TIMMDC1: variants seen among roughly 807,000 people sequenced by gnomAD.
The protein encoded by TIMMDC1 is translocase of inner mitochondrial membrane domain containing 1, also known as complex I assembly factor TIMMDC1, mitochondrial.
Under a neutral mutation model 32.6 loss-of-function variants are expected in TIMMDC1, and 25 were observed. The ratio of observed to expected loss-of-function variants is 0.77; its 90% CI spans 0.56 to 1.07. TIMMDC1 has a LOEUF of 1.07. Ranked by LOEUF, TIMMDC1 falls within the 50% of genes least tolerant of loss-of-function variation. The pLI is 0.00. For synonymous variants in TIMMDC1, 130 were observed against 127.6 expected (o/e 1.02, Z -0.13); for missense variants, 329 against 349.2 (o/e 0.94, Z 0.46).
At chr3:119,501,427 C>T (rs1374154095) in intron 2 of TIMMDC1, among the ~76,000 whole-genome samples, 1 of 152,170 alleles carries the variant, frequency 6.6e-6, no homozygotes, top group Non-Finnish European at 1.5e-5. Flanking sequence ...TTTTATCATT[C>T]TCCCTCTGTA....
At chr3:119,522,804 TTGTGTGTGTGTG>T (rs71156752) in intron 6 of TIMMDC1, among the ~76,000 whole-genome samples, 3,502 of 148,742 alleles carry the variant, frequency 0.024, 134 homozygotes, top group South Asian at 0.074. Flanking sequence ...GTATGGGTGT[TTGTGTGTGTGTG>T]TGTGTGTGTG....
intron 4 of TIMMDC1, among the ~76,000 whole-genome samples, chr3:119,510,924 C>T (rs1189711331): frequency 6.6e-6 from 1 of 152,194 alleles, no homozygotes; most frequent in Non-Finnish European, 1.5e-5. Context: ...GACATCTGCC[C>T]TGTGCAGTTG....
chr3:119,517,760 G>C (rs999445861), intron 6 of TIMMDC1, among the ~76,000 whole-genome samples: 2 of 152,138 alleles, frequency 1.3e-5, no homozygotes, highest in African/African-American at 4.8e-5. Flanking sequence ...CTGAGGTCAG[G>C]AGTTCGAGAC....
intron 1 of TIMMDC1, among the ~76,000 whole-genome samples, 193 bp downstream of exon 1, chr3:119,499,120 G>A (rs1231818403): frequency 6.9e-6 from 1 of 144,146 alleles, no homozygotes. Context: ...TCCAGACAGG[G>A]TCTTGCTCTG....
intron 1 of TIMMDC1, 179 bp from the exon 2 acceptor site, chr3:119,500,516 C>T: frequency 1.8e-6 from 1 of 543,632 alleles, no homozygotes. Context: ...ACCATAGCTT[C>T]GTTTTGTCTG....
chr3:119,521,005 T>G (rs1466025753), intron 6 of TIMMDC1, among the ~76,000 whole-genome samples: 1 of 152,132 alleles, frequency 6.6e-6, no homozygotes, highest in Non-Finnish European at 1.5e-5. Flanking sequence ...TCTCAGTAAA[T>G]GAGAAAAAGC....
chr3:119,506,936 C>G (rs2081922267), intron 4 of TIMMDC1, among the ~76,000 whole-genome samples: 2 of 152,330 alleles, frequency 1.3e-5, no homozygotes, highest in South Asian at 4.1e-4. Context: ...CTTAACCTTA[C>G]CTTTCAAAGT....
chr3:119,501,654 TA>T (rs199925578), intron 2 of TIMMDC1, among the ~76,000 whole-genome samples: 26 of 152,266 alleles, frequency 1.7e-4, no homozygotes, highest in African/African-American at 6.0e-4. Context: ...TAAAAATAAA[TA>T]AAAAAATGTA....
At chr3:119,515,500 T>C (rs2081980364) in intron 5 of TIMMDC1, among the ~76,000 whole-genome samples, 1 of 152,206 alleles carries the variant, frequency 6.6e-6, no homozygotes, top group East Asian at 1.9e-4. Flanking sequence ...ATTCAACTAA[T>C]TAGTAACCTT....
intron 1 of TIMMDC1, chr3:119,500,406 A>G (rs536312361): frequency 5.4e-4 from 158 of 295,064 alleles, no homozygotes; most frequent in African/African-American, 3.3e-3. Context: ...TGTACCCAGC[A>G]CTAAGAAAGA....
chr3:119,517,305 C>A lies in TIMMDC1; in HGVS notation c.697C>A (p.Leu233Met). Residue 233 changes from leucine (L) to methionine (M), a missense_variant, in exon 6 of 7, where the codon CTG becomes ATG. Coordinates refer to ENST00000494664, the MANE Select transcript of TIMMDC1 (RefSeq NM_016589.4). ...KDRKALHELKLEEWKGRLQVT... is the reference protein window; with the variant it reads ...KDRKALHELKMEEWKGRLQVT... ...TCGAAAGGCACTCCATGAGCTAAAA[C>A]TGGAAGAGTGGTAAGGAACATGTTG... 6.2e-7 allele frequency: 1 copy of A among 1,609,408 alleles called. No homozygotes were observed. The highest frequency in any genetic ancestry group is 8.5e-7 in the Non-Finnish European group (1 of 1,175,772).
intron 5 of TIMMDC1, among the ~76,000 whole-genome samples, chr3:119,515,107 T>C (rs574542309): frequency 1.3e-5 from 2 of 151,658 alleles, no homozygotes; most frequent in Admixed American, 6.6e-5. Context: ...GGAGGATTGC[T>C]TGAACCCCAT....
intron 6 of TIMMDC1, 48 bp from the exon 7 acceptor site, chr3:119,523,558 C>G: frequency 6.7e-7 from 1 of 1,489,936 alleles, no homozygotes; most frequent in Non-Finnish European, 8.9e-7. Context: ...TCTGTAAGAA[C>G]TAAAGAAATG....
rs554140249 is a variant in TIMMDC1 at position 119,503,129 on chromosome 3, A to G, written c.361-403A>G. On this transcript the variant is annotated intron_variant, in intron 2 of 6. Transcript: ENST00000494664. ...CAAATCTGAAATCCTGAATGCTCAGATTCAAAACTTTTTGAGCATTGACAC... is the reference window on the plus strand; with the variant it reads ...CAAATCTGAAATCCTGAATGCTCAGGTTCAAAACTTTTTGAGCATTGACAC... 6.6e-5 allele frequency among the ~76,000 whole-genome samples: 10 copies of G among 152,340 alleles called. 1 individual carries two copies. In the South Asian group the frequency reaches 1.9e-3, roughly 28 times the overall value.
rs541846121 is a variant in TIMMDC1 at position 119,515,641 on chromosome 3, G to A, written c.597-1564G>A. ...AATTCTGCCTACCACACTTGGTTAA[G>A]GTGTTATCTGTTCAGTGTCTCCATT... is the stretch of plus-strand genomic sequence containing the variant. On this transcript the variant is annotated intron_variant, in intron 5 of 6. Transcript: ENST00000494664. 3.9e-5 allele frequency among the ~76,000 whole-genome samples: 6 copies of A among 152,284 alleles called. No individual in the cohort carries two copies. The South Asian group carries it at 1.2e-3, about 32-fold the overall frequency.
rs1184653027 is a variant in TIMMDC1, at chr3:119,523,647, T to C, written c.749T>C (p.Ile250Thr). The change falls in exon 7 of 7, where the codon ATT becomes ACT. Residue 250 changes from isoleucine (I) to threonine (T), a missense_variant. Physicochemically the swap from Ile to Thr is moderately conservative, Grantham distance 89. Coordinates refer to ENST00000494664, the MANE Select transcript of TIMMDC1 (RefSeq NM_016589.4). ...LQVTEHLPEK[I>T]ESSLQEDEPE... Reference sequence around the variant, plus strand: ...GTTACTGAGCACCTCCCTGAGAAAATTGAAAGTAGTTTACAGGAAGATGAA... The same window carrying C: ...GTTACTGAGCACCTCCCTGAGAAAACTGAAAGTAGTTTACAGGAAGATGAA... The C allele has an allele frequency of 1.9e-6, 3 of 1,612,672 alleles. No individual in the cohort carries two copies. Among genetic ancestry groups the C allele is most frequent in the Non-Finnish European group, 2.5e-6 (3 of 1,179,478 alleles).
chr3:119,504,062 C>T, intron 4 of TIMMDC1, 41 bp downstream of exon 4: 1 of 1,476,876 alleles, frequency 6.8e-7, no homozygotes, highest in Non-Finnish European at 9.5e-7. Flanking sequence ...TTCTCAAATA[C>T]AGTTTAGAAA....
At chr3:119,505,026 T>G (rs2081908945) in intron 4 of TIMMDC1, among the ~76,000 whole-genome samples, 1 of 149,680 alleles carries the variant, frequency 6.7e-6, no homozygotes, top group African/African-American at 2.5e-5. Context: ...TGCAGTGAGC[T>G]GAGTTCACGC....
chr3:119,499,719 G>T (rs780058268), intron 1 of TIMMDC1, among the ~76,000 whole-genome samples: 22 of 152,138 alleles, frequency 1.4e-4, no homozygotes, highest in Non-Finnish European at 2.8e-4. Context: ...GCTGGACTGC[G>T]CCCGGCCTAG....
Sources: gnomAD v4.1 joint callset for allele counts (sites outside exome capture counted in the v4.1 genomes callset) on GRCh38, gnomAD v4.1.1 for gene constraint, MANE v1.5 for transcripts, NCBI Gene and HGNC (gene_info 2026-07-23, HGNC 2026-07-21) for gene names.